The following GNAQ variants were observed in gnomAD, a reference collection of about 807,000 sequenced individuals.
GNAQ encodes guanine nucleotide-binding protein G(q) subunit alpha.
In GNAQ, 8 loss-of-function variants were observed where a neutral mutation model predicts 43.9. That is an observed-to-expected ratio of 0.18 (90% CI 0.11 to 0.33). The LOEUF is 0.33. Among genes scored for constraint, GNAQ ranks in the 10% least tolerant of loss-of-function variants. GNAQ has a pLI of 1.00. For missense variants in GNAQ, 158 were observed against 450.8 expected (o/e 0.35, Z 5.88); for synonymous variants, 155 against 170.7 (o/e 0.91, Z 0.71).
chr9:77,864,685 G>C lies in GNAQ; in HGVS notation c.322-48915C>G, dbSNP rs75358503. Among the ~76,000 whole-genome samples, 6 of 152,288 alleles carry C rather than the reference G, an allele frequency of 3.9e-5. No individual in the cohort carries two copies. In the East Asian group the frequency reaches 1.2e-3, roughly 29 times the overall value. On this transcript the variant is annotated intron_variant, in intron 2 of 6. Transcript: ENST00000286548. ...AAAGAATGTAGCCCCAGTGACACTT[G>C]GGTTTTGACCAGTAAGACCAGTTCA...
intron 3 of GNAQ, among the ~76,000 whole-genome samples, chr9:77,806,763 C>T (rs1391191970): frequency 1.3e-5 from 2 of 152,152 alleles, no homozygotes; most frequent in Non-Finnish European, 2.9e-5. Context: ...GGAAAGTCTA[C>T]AGTAAGCTAG....
chr9:77,885,088 C>G (rs1828280885), intron 2 of GNAQ, among the ~76,000 whole-genome samples: 1 of 152,168 alleles, frequency 6.6e-6, no homozygotes, highest in Non-Finnish European at 1.5e-5. Context: ...ACAGTAATAA[C>G]AGAGTTTCGG....
intron 5 of GNAQ, among the ~76,000 whole-genome samples, chr9:77,780,884 G>A (rs1826384243): frequency 6.6e-6 from 1 of 150,580 alleles, no homozygotes; most frequent in Admixed American, 6.6e-5. Context: ...ACCTTTTCAT[G>A]TATTTGTTGA....
At chr9:78,029,408 G>C (rs1053235192) in intron 1 of GNAQ, among the ~76,000 whole-genome samples, 2 of 151,304 alleles carry the variant, frequency 1.3e-5, no homozygotes, top group African/African-American at 4.9e-5. Flanking sequence ...TCAACCTTGA[G>C]AACTCAGAAA....
At chr9:77,798,659 G>A (rs1362795360) in intron 3 of GNAQ, among the ~76,000 whole-genome samples, 4 of 152,136 alleles carry the variant, frequency 2.6e-5, no homozygotes, top group Non-Finnish European at 5.9e-5. Context: ...TGCATATAAT[G>A]TATGCATAGT....
At chr9:77,844,146 A>G (rs909421326) in intron 2 of GNAQ, among the ~76,000 whole-genome samples, 9 of 152,184 alleles carry the variant, frequency 5.9e-5, no homozygotes, top group Admixed American at 2.6e-4. Flanking sequence ...TCAAGTTATC[A>G]TGACAGTGGA....
At chr9:77,763,848 C>A (rs1253694917) in intron 5 of GNAQ, among the ~76,000 whole-genome samples, 1 of 152,196 alleles carries the variant, frequency 6.6e-6, no homozygotes, top group East Asian at 1.9e-4. Flanking sequence ...AAATGATTAG[C>A]ATGGCAAGCT....
At chr9:77,924,236 A>T (rs1829037553) in intron 1 of GNAQ, among the ~76,000 whole-genome samples, 1 of 152,250 alleles carries the variant, frequency 6.6e-6, no homozygotes, top group Non-Finnish European at 1.5e-5. Context: ...GGATAAAAGC[A>T]TAAAGTGGTT....
chr9:77,743,397 G>T (rs1370316777), intron 5 of GNAQ, among the ~76,000 whole-genome samples: 1 of 152,240 alleles, frequency 6.6e-6, no homozygotes, highest in Non-Finnish European at 1.5e-5. Context: ...GGTATCCAGA[G>T]AATGGAAATA....
intron 5 of GNAQ, among the ~76,000 whole-genome samples, chr9:77,745,898 G>C (rs2118275403): frequency 6.6e-6 from 1 of 152,084 alleles, no homozygotes; most frequent in African/African-American, 2.4e-5. Context: ...TAGGTTAAAG[G>C]GCCCCAGAAG....
chr9:77,762,259 G>A (rs1295140920), intron 5 of GNAQ, among the ~76,000 whole-genome samples: 1 of 141,054 alleles, frequency 7.1e-6, no homozygotes. Context: ...TGGGGGGTCA[G>A]CCCCCCGCCT....
At chr9:77,973,431 GA>G (rs1170376490) in intron 1 of GNAQ, among the ~76,000 whole-genome samples, 4 of 152,204 alleles carry the variant, frequency 2.6e-5, no homozygotes, top group Non-Finnish European at 5.9e-5. Context: ...AACGTGTATG[GA>G]AAATGCTGTC....
At chr9:77,728,364 A>G in intron 6 of GNAQ, 150 bp downstream of exon 6, 1 of 669,282 alleles carries the variant, frequency 1.5e-6, no homozygotes, top group Non-Finnish European at 2.7e-6. Context: ...AAGACAGGGC[A>G]AACAAGAATT....
intron 2 of GNAQ, among the ~76,000 whole-genome samples, chr9:77,870,110 C>T (rs1189850641): frequency 3.3e-5 from 5 of 151,982 alleles, no homozygotes; most frequent in Non-Finnish European, 7.4e-5. Flanking sequence ...AGGTAATAAG[C>T]GAGTATGCTG....
At chr9:78,013,795 T>G (rs1823803755) in intron 1 of GNAQ, among the ~76,000 whole-genome samples, 2 of 152,192 alleles carry the variant, frequency 1.3e-5, no homozygotes, top group South Asian at 2.1e-4. Context: ...CTTCTGTTTG[T>G]TTTTGTAAAT....
intron 1 of GNAQ, among the ~76,000 whole-genome samples, chr9:77,925,233 A>C (rs1440574566): frequency 6.6e-6 from 1 of 152,122 alleles, no homozygotes. Flanking sequence ...ACTAGCACAA[A>C]TACCAATCAA....
At chr9:77,761,327 G>A (rs1184290961) in intron 5 of GNAQ, among the ~76,000 whole-genome samples, 3 of 120,670 alleles carry the variant, frequency 2.5e-5, no homozygotes, top group Admixed American at 8.4e-5. Flanking sequence ...GGAGGTGGGG[G>A]GTCAGCCCCC....
chr9:77,942,834 A>G (rs1478402106), intron 1 of GNAQ, among the ~76,000 whole-genome samples: 2 of 152,244 alleles, frequency 1.3e-5, no homozygotes, highest in Non-Finnish European at 2.9e-5. Flanking sequence ...AATACAGGTT[A>G]TATTATCTTT....
chr9:77,774,391 A>G (rs990131278), intron 5 of GNAQ, among the ~76,000 whole-genome samples: 2 of 152,232 alleles, frequency 1.3e-5, no homozygotes, highest in African/African-American at 2.4e-5. Flanking sequence ...ATTTGCTTGT[A>G]ACTGCATCTT....
Sources: allele counts gnomAD v4.1 joint callset (sites outside exome capture counted in the v4.1 genomes callset), GRCh38; gene constraint gnomAD v4.1.1; transcripts MANE v1.5; gene names NCBI Gene and HGNC (gene_info 2026-07-23, HGNC 2026-07-21).